Variants in CARMIL1 observed in about 807,000 individuals in gnomAD.
The protein encoded by CARMIL1 is F-actin-uncapping protein LRRC16A.
In CARMIL1, 90 loss-of-function variants were observed where a neutral mutation model predicts 177.1. The ratio of observed to expected loss-of-function variants is 0.51; its 90% CI spans 0.43 to 0.61. CARMIL1 has a LOEUF of 0.61. Among genes scored for constraint, CARMIL1 ranks in the 20% least tolerant of loss-of-function variants. The pLI is 0.00. For synonymous variants in CARMIL1, 577 were observed against 606.2 expected (o/e 0.95, Z 0.71); for missense variants, 1,380 against 1,667.0 (o/e 0.83, Z 3.00).
chr6:25,448,685 C>T (rs1002346472), intron 5 of CARMIL1, among the ~76,000 whole-genome samples: 8 of 152,302 alleles, frequency 5.3e-5, no homozygotes, highest in Admixed American at 2.6e-4. Flanking sequence ...GGTTATTCGT[C>T]TGTTTCTCAC....
chr6:25,364,390 T>C (rs1562038926), intron 2 of CARMIL1, among the ~76,000 whole-genome samples: 1 of 152,216 alleles, frequency 6.6e-6, no homozygotes, highest in Non-Finnish European at 1.5e-5. Context: ...CCAAATGGTA[T>C]GCCTTTATAA....
chr6:25,458,197 CTTCT>C (rs1390755201), intron 8 of CARMIL1, among the ~76,000 whole-genome samples: 1 of 152,104 alleles, frequency 6.6e-6, no homozygotes, highest in African/African-American at 2.4e-5. Flanking sequence ...CCCTTGTCAA[CTTCT>C]TTGTTTTTGC....
intron 8 of CARMIL1, among the ~76,000 whole-genome samples, chr6:25,459,266 C>CTTTCTTTTT: frequency 2.7e-5 from 2 of 73,756 alleles, no homozygotes; most frequent in African/African-American, 4.9e-5. Context: ...TTCTTTCTTT[C>CTTTCTTTTT]TTTTTTTTTT....
At chr6:25,470,352 A>G (rs952101338) in intron 9 of CARMIL1, among the ~76,000 whole-genome samples, 3 of 152,226 alleles carry the variant, frequency 2.0e-5, no homozygotes, top group Non-Finnish European at 4.4e-5. Context: ...TAGAGGGCTT[A>G]ACTCAGTGCC....
intron 11 of CARMIL1, chr6:25,479,329 A>T (rs1801877753): frequency 2.2e-6 from 1 of 464,086 alleles, no homozygotes; most frequent in Non-Finnish European, 4.2e-6. Flanking sequence ...TTAATAATAG[A>T]TTTGTTTCCT....
intron 2 of CARMIL1, among the ~76,000 whole-genome samples, chr6:25,313,695 T>TATATATGTGTATATATATATATATATATA (rs1561970791): frequency 1.7e-5 from 2 of 118,938 alleles, no homozygotes; most frequent in African/African-American, 8.4e-5. Context: ...ATATATACAG[T>TATATATGTGTATATATATATATATATATA]TATTTGGGAG....
Position 25,279,854 on chromosome 6 carries a change from T to C in CARMIL1, c.40+19T>C. ...TTGATAGGTAAGATTCACGCGGTTG[T>C]TGGTTTTCCACCTTCCTCTGCGTAC... On this transcript the variant is annotated intron_variant, in intron 1 of 36. Transcript: ENST00000329474. 1 of 1,613,732 alleles carries C rather than the reference T, an allele frequency of 6.2e-7. No homozygotes were observed. Among genetic ancestry groups the C allele is most frequent in the Non-Finnish European group, 8.5e-7 (1 of 1,179,688 alleles).
At chr6:25,539,793 T>C (rs1177515339) in intron 25 of CARMIL1, among the ~76,000 whole-genome samples, 154 bp from the exon 26 acceptor site, 1 of 152,138 alleles carries the variant, frequency 6.6e-6, no homozygotes, top group Admixed American at 6.6e-5. Context: ...ATGCCCATAG[T>C]CTGGACCTCA....
chr6:25,617,875 A>C lies in CARMIL1; in HGVS notation c.3980-1572A>C, dbSNP rs114792422. On this transcript the variant is annotated intron_variant, in intron 36 of 36. Coordinates refer to ENST00000329474, the MANE Select transcript of CARMIL1 (RefSeq NM_017640.6). ...AACTTAAAAATAGAAATTGCACTTC[A>C]GTTTGGGTGACAGAGCAAGACCCTG... Among the ~76,000 whole-genome samples, 1,021 of 152,334 alleles carry C rather than the reference A, an allele frequency of 6.7e-3. 7 individuals carry two copies. Among genetic ancestry groups the C allele is most frequent in the Middle Eastern group, 0.031 (9 of 294 alleles).
At chr6:25,600,210 G>C (rs1815250397) in intron 32 of CARMIL1, 104 bp from the exon 33 acceptor site, 1 of 1,057,854 alleles carries the variant, frequency 9.5e-7, no homozygotes, top group South Asian at 1.6e-5. Context: ...GCTTCTGAAT[G>C]GTTACTGTAT....
intron 13 of CARMIL1, among the ~76,000 whole-genome samples, chr6:25,488,951 G>T (rs1206696661): frequency 6.6e-6 from 1 of 152,114 alleles, no homozygotes; most frequent in Admixed American, 6.5e-5. Flanking sequence ...CAGATCACGA[G>T]GTCAGGAGAT....
intron 5 of CARMIL1, among the ~76,000 whole-genome samples, chr6:25,438,462 G>A (rs913147551): frequency 5.3e-5 from 8 of 152,162 alleles, no homozygotes; most frequent in Non-Finnish European, 7.3e-5. Context: ...GATGGGACTC[G>A]TATAAAGAAT....
chr6:25,509,807 C>A lies in CARMIL1; in HGVS notation c.1477+70C>A. 2 of 1,087,134 alleles carry A rather than the reference C, an allele frequency of 1.8e-6. No homozygotes were observed. The highest frequency in any genetic ancestry group is 2.7e-6 in the Non-Finnish European group (2 of 737,502). The allele number at this position is 1,087,134 out of a possible 1,614,324, so 67.3% of individuals were successfully genotyped here. Reference sequence around the variant, plus strand: ...AGCAAGTTAATAAGGGGAAAATAATCTTCTACCCAAATCCAAACAATAGCT... The same window carrying A: ...AGCAAGTTAATAAGGGGAAAATAATATTCTACCCAAATCCAAACAATAGCT... On this transcript the variant is annotated intron_variant, in intron 18 of 36. Transcript: ENST00000329474. This position sits in a 1 kb window ranked among gnomAD's most constrained non-coding sequence, Gnocchi z 4.1.
At chr6:25,549,164 A>C (rs571348717) in intron 26 of CARMIL1, among the ~76,000 whole-genome samples, 36 of 152,360 alleles carry the variant, frequency 2.4e-4, no homozygotes, top group African/African-American at 8.7e-4. Context: ...TATTCACTTA[A>C]TACTACTCAC....
intron 2 of CARMIL1, among the ~76,000 whole-genome samples, chr6:25,288,669 G>C (rs1479456734): frequency 6.6e-6 from 1 of 152,188 alleles, no homozygotes; most frequent in Non-Finnish European, 1.5e-5. Flanking sequence ...TCTCCGTGGT[G>C]CGGAAAGTGC....
chr6:25,305,810 A>G (rs1475775835), intron 2 of CARMIL1, among the ~76,000 whole-genome samples: 1 of 152,218 alleles, frequency 6.6e-6, no homozygotes, highest in Non-Finnish European at 1.5e-5. Flanking sequence ...TTACCAGCCT[A>G]AGGGCTGCCT....
At chr6:25,478,750 C>T (rs1360392837) in intron 11 of CARMIL1, among the ~76,000 whole-genome samples, 3 of 151,494 alleles carry the variant, frequency 2.0e-5, no homozygotes, top group African/African-American at 4.9e-5. Context: ...GAGCCGAGAT[C>T]GCGCCTCTGC....
intron 36 of CARMIL1, among the ~76,000 whole-genome samples, chr6:25,617,228 A>C (rs1582542639): frequency 6.6e-6 from 1 of 152,290 alleles, no homozygotes; most frequent in East Asian, 1.9e-4. Flanking sequence ...GAAGATTTCT[A>C]TGTTGGATTT....
At position 25,450,704 on chromosome 6, in the gene CARMIL1, G is replaced by C; in HGVS notation, c.607G>C (p.Asp203His). Residue 203 changes from aspartate (D) to histidine (H), a missense_variant, in exon 8 of 37, where the codon GAC (aspartate) becomes CAC (histidine). Transcript: ENST00000329474. ...GAATTTACAAGATTTTAGTCATCTT[G>C]ACCACAGGTAAGCTGCTTCCTTCCT... ...ELNLQDFSHLDHRDLIPIIAA... is the reference protein window; with the variant it reads ...ELNLQDFSHLHHRDLIPIIAA... 6.2e-7 allele frequency: 1 copy of C among 1,601,286 alleles called. No homozygotes were observed. The highest frequency in any genetic ancestry group is 2.2e-5 in the East Asian group (1 of 44,610).
Sources: allele counts gnomAD v4.1 joint callset (sites outside exome capture counted in the v4.1 genomes callset), GRCh38; gene constraint gnomAD v4.1.1; non-coding constraint Gnocchi (gnomAD v3.1); transcripts MANE v1.5; gene names NCBI Gene and HGNC (gene_info 2026-07-23, HGNC 2026-07-21).